The following ATP8B4 variants were observed in gnomAD, a reference collection of about 807,000 sequenced individuals.
ATP8B4 encodes probable phospholipid-transporting ATPase IM.
ATP8B4 carries 133 observed loss-of-function variants against 145.6 expected under a neutral mutation model. The ratio of observed to expected loss-of-function variants is 0.91; its 90% CI spans 0.79 to 1.05. ATP8B4 has a LOEUF of 1.05. Among genes scored for constraint, ATP8B4 ranks in the 50% least tolerant of loss-of-function variants. ATP8B4 has a pLI of 0.00. For missense variants in ATP8B4, 1,458 were observed against 1,425.2 expected (o/e 1.02, Z -0.37); for synonymous variants, 507 against 492.9 (o/e 1.03, Z -0.38).
intron 8 of ATP8B4, among the ~76,000 whole-genome samples, chr15:50,001,824 C>G (rs1298146725): frequency 6.6e-6 from 1 of 152,124 alleles, no homozygotes; most frequent in South Asian, 2.1e-4. Flanking sequence ...CTCAAGGAAT[C>G]TTGATCTCTA....
At chr15:49,881,969 A>G (rs1477254828) in intron 23 of ATP8B4, among the ~76,000 whole-genome samples, 1 of 152,154 alleles carries the variant, frequency 6.6e-6, no homozygotes, top group Admixed American at 6.5e-5. Flanking sequence ...CTCTATGTTT[A>G]TTTCCTTCTA....
intron 23 of ATP8B4, among the ~76,000 whole-genome samples, chr15:49,885,212 C>T (rs1404287271): frequency 6.6e-6 from 1 of 152,170 alleles, no homozygotes; most frequent in Non-Finnish European, 1.5e-5. Context: ...ACTTATCTGG[C>T]TCATTCCTGC....
intron 14 of ATP8B4, 86 bp from the exon 15 acceptor site, chr15:49,934,268 T>C: frequency 7.0e-7 from 1 of 1,425,702 alleles, no homozygotes; most frequent in Non-Finnish European, 9.4e-7. Flanking sequence ...CCCCCAAGTA[T>C]TTTTAGTGTA....
intron 1 of ATP8B4, among the ~76,000 whole-genome samples, chr15:50,181,805 G>C (rs1158484847): frequency 6.6e-6 from 1 of 152,186 alleles, no homozygotes; most frequent in African/African-American, 2.4e-5. Flanking sequence ...ATTCTGGTTT[G>C]GCAGTGGCAC....
intron 17 of ATP8B4, among the ~76,000 whole-genome samples, chr15:49,921,008 A>G (rs1389252011): frequency 6.6e-6 from 1 of 152,174 alleles, no homozygotes; most frequent in Non-Finnish European, 1.5e-5. Flanking sequence ...AAAGTAAATA[A>G]TAAATGAATA....
chr15:50,009,642 C>T (rs1400737491), intron 7 of ATP8B4: 4 of 454,292 alleles, frequency 8.8e-6, no homozygotes, highest in Non-Finnish European at 1.8e-5. Flanking sequence ...TAACAGACAC[C>T]ACCTTCCAGG....
At chr15:50,074,401 T>G (rs534348189) in intron 2 of ATP8B4, among the ~76,000 whole-genome samples, 1 of 152,256 alleles carries the variant, frequency 6.6e-6, no homozygotes, top group Non-Finnish European at 1.5e-5. Context: ...GTCCTCCTGA[T>G]GCCAACCATA....
chr15:50,061,471 A>T (rs762579272), intron 3 of ATP8B4, among the ~76,000 whole-genome samples: 6 of 152,212 alleles, frequency 3.9e-5, no homozygotes, highest in Non-Finnish European at 2.9e-5. Flanking sequence ...TTTAGTAATA[A>T]CTATTTGTTG....
In ATP8B4 at chr15:50,080,382, A is replaced by C. The variant is rs573907392; in HGVS notation, c.29-6197T>G. On this transcript the variant is annotated intron_variant, in intron 2 of 27. Transcript: ENST00000284509. ...AACCCAGTTTCAGAATAATTAATCT[A>C]TAGCTCCCTACTTCCCTGCAAAAAA... Among the ~76,000 whole-genome samples the C allele has an allele frequency of 2.0e-5, 3 of 152,354 alleles. No homozygotes were observed. In the South Asian group the frequency reaches 6.2e-4, roughly 32 times the overall value.
At position 49,918,912 on chromosome 15, in the gene ATP8B4, C is replaced by T. The variant is rs1304181896; in HGVS notation, c.1962G>A (p.Glu654=). 2 of 1,613,722 alleles carry T rather than the reference C, an allele frequency of 1.2e-6. No homozygotes were observed. Among genetic ancestry groups the T allele is most frequent in the Admixed American group, 3.3e-5 (2 of 60,026 alleles). Residue 654 remains glutamate (E), a synonymous_variant, in exon 19 of 28, where the codon GAG becomes GAA. Coordinates refer to ENST00000284509, the MANE Select transcript of ATP8B4 (RefSeq NM_024837.4). ...GATAVEDKLQ[E]GVIETVTSLS... Reference sequence around the variant, plus strand: ...AACTTGTAACTGTTTCAATAACACCCTCCTGTAACTTATCTTCTACAGCAG... The same window carrying T: ...AACTTGTAACTGTTTCAATAACACCTTCCTGTAACTTATCTTCTACAGCAG...
At chr15:49,932,968 G>A (rs1311956431) in intron 15 of ATP8B4, among the ~76,000 whole-genome samples, 1 of 151,974 alleles carries the variant, frequency 6.6e-6, no homozygotes, top group Non-Finnish European at 1.5e-5. Flanking sequence ...ATGTAAACTT[G>A]CATTCTGAAT....
intron 6 of ATP8B4, among the ~76,000 whole-genome samples, chr15:50,032,423 C>G (rs2050519969): frequency 6.6e-6 from 1 of 152,050 alleles, no homozygotes; most frequent in Non-Finnish European, 1.5e-5. Context: ...TTTTCTTTAT[C>G]CAGTCTATCA....
At chr15:50,151,688 A>G (rs944899441) in intron 1 of ATP8B4, among the ~76,000 whole-genome samples, 1 of 146,554 alleles carries the variant, frequency 6.8e-6, no homozygotes, top group African/African-American at 2.5e-5. Flanking sequence ...ATGTGGAGGC[A>G]GCACTGAGCT....
intron 14 of ATP8B4, among the ~76,000 whole-genome samples, chr15:49,954,972 A>T (rs541673185): frequency 1.3e-5 from 2 of 152,338 alleles, no homozygotes; most frequent in East Asian, 3.9e-4. Context: ...GTAAATATAC[A>T]CTATGCAGTA....
intron 6 of ATP8B4, among the ~76,000 whole-genome samples, chr15:50,015,255 G>A (rs1441074082): frequency 6.6e-6 from 1 of 152,218 alleles, no homozygotes; most frequent in Non-Finnish European, 1.5e-5. Context: ...AGAAAATGAA[G>A]AGGGAAATTG....
intron 1 of ATP8B4, among the ~76,000 whole-genome samples, chr15:50,168,914 C>T (rs889932061): frequency 2.0e-5 from 3 of 152,106 alleles, no homozygotes; most frequent in Admixed American, 1.3e-4. Context: ...TGGCTTTCCC[C>T]GACTTCCCTG....
chr15:50,062,619 AT>A (rs1164239224), intron 3 of ATP8B4, among the ~76,000 whole-genome samples: 1 of 152,172 alleles, frequency 6.6e-6, no homozygotes, highest in Non-Finnish European at 1.5e-5. Context: ...AGCTAATATA[AT>A]TTTTCATAAT....
At chr15:49,925,029 A>C (rs1220205607) in intron 16 of ATP8B4, among the ~76,000 whole-genome samples, 6 of 152,134 alleles carry the variant, frequency 3.9e-5, no homozygotes, top group African/African-American at 1.4e-4. Flanking sequence ...CTAGGACATT[A>C]GTTCTCTAAC....
At chr15:50,133,443 G>T (rs1347087244) in intron 1 of ATP8B4, among the ~76,000 whole-genome samples, 1 of 151,806 alleles carries the variant, frequency 6.6e-6, no homozygotes, top group Non-Finnish European at 1.5e-5. Flanking sequence ...AAACTAGCCA[G>T]GCGTGGTGGC....
Sources: allele counts gnomAD v4.1 joint callset (sites outside exome capture counted in the v4.1 genomes callset), GRCh38; gene constraint gnomAD v4.1.1; transcripts MANE v1.5; gene names NCBI Gene and HGNC (gene_info 2026-07-23, HGNC 2026-07-21).